The following MTUS2 variants were observed in gnomAD, a reference collection of about 807,000 sequenced individuals.
The protein encoded by MTUS2 is microtubule-associated tumor suppressor candidate 2.
Under a neutral mutation model 114.1 loss-of-function variants are expected in MTUS2, and 40 were observed. The observed-to-expected ratio is 0.35, with a 90% confidence interval of 0.27 to 0.46. The LOEUF is 0.46. Ranked by LOEUF, MTUS2 falls within the 20% of genes least tolerant of loss-of-function variation. MTUS2 has a pLI of 1.00. For missense variants in MTUS2, 1,679 were observed against 1,705.4 expected (o/e 0.98, Z 0.27); for synonymous variants, 688 against 672.0 (o/e 1.02, Z -0.37).
intron 8 of MTUS2, among the ~76,000 whole-genome samples, chr13:29,362,787 AAT>A (rs1870376525): frequency 6.6e-6 from 1 of 152,236 alleles, no homozygotes; most frequent in Admixed American, 6.5e-5. Context: ...CATTAATTTA[AAT>A]ATGTGTTGGA....
At chr13:29,014,141 T>C (rs1351507879) in intron 2 of MTUS2, among the ~76,000 whole-genome samples, 1 of 152,172 alleles carries the variant, frequency 6.6e-6, no homozygotes, top group Non-Finnish European at 1.5e-5. Context: ...GGAGGCCTTG[T>C]TCCACACAGG....
At chr13:29,221,904 A>G (rs1274388853) in intron 5 of MTUS2, among the ~76,000 whole-genome samples, 2 of 152,140 alleles carry the variant, frequency 1.3e-5, no homozygotes, top group African/African-American at 2.4e-5. Context: ...CAACTGATCA[A>G]CTGATTTTTA....
intron 9 of MTUS2, among the ~76,000 whole-genome samples, chr13:29,460,457 C>T (rs1879402814): frequency 7.2e-6 from 1 of 138,590 alleles, no homozygotes; most frequent in South Asian, 2.3e-4. Context: ...TCAGCTCTCT[C>T]CTCCTGACAG....
intron 8 of MTUS2, among the ~76,000 whole-genome samples, chr13:29,431,396 C>T (rs781068315): frequency 3.3e-5 from 5 of 152,134 alleles, no homozygotes; most frequent in African/African-American, 9.7e-5. Flanking sequence ...AAGGCATGGC[C>T]GGCCCTTATG....
At chr13:28,952,605 TTA>T (rs747514077) in intron 2 of MTUS2, among the ~76,000 whole-genome samples, 6 of 152,222 alleles carry the variant, frequency 3.9e-5, no homozygotes, top group Non-Finnish European at 8.8e-5. Context: ...GCATATCTTT[TTA>T]TGTTTTCCTC....
intron 9 of MTUS2, chr13:29,476,779 G>A (rs1196210214): frequency 1.3e-5 from 2 of 152,272 alleles, no homozygotes; most frequent in African/African-American, 2.4e-5. Context: ...GGAGTCCATC[G>A]AGTGACAGTT....
intron 9 of MTUS2, among the ~76,000 whole-genome samples, chr13:29,454,108 A>G (rs1172345133): frequency 1.3e-5 from 2 of 152,266 alleles, no homozygotes; most frequent in African/African-American, 2.4e-5. Flanking sequence ...AAGGACGTCA[A>G]TCTGTTGAAC....
chr13:29,015,923 T>C lies in MTUS2; in HGVS notation c.-242-8534T>C, dbSNP rs891978446. Among the ~76,000 whole-genome samples the C allele has an allele frequency of 3.9e-5, 6 of 152,134 alleles. No homozygotes were observed. In the South Asian group the frequency reaches 1.2e-3, roughly 32 times the overall value. On this transcript the variant is annotated intron_variant, in intron 2 of 15. Coordinates refer to ENST00000612955, the MANE Select transcript of MTUS2 (RefSeq NM_001033602.4). Reference sequence around the variant, plus strand: ...AAGATTCGTTCTTCTTCTTTTTTTTTAGATGAAGTCTCGCTCTGTCTCCCA... The same window carrying C: ...AAGATTCGTTCTTCTTCTTTTTTTTCAGATGAAGTCTCGCTCTGTCTCCCA...
intron 7 of MTUS2, among the ~76,000 whole-genome samples, chr13:29,327,840 C>T (rs554599798): frequency 6.6e-6 from 1 of 152,214 alleles, no homozygotes; most frequent in Non-Finnish European, 1.5e-5. Context: ...TACCATTTTA[C>T]ATTTTCAACA....
intron 2 of MTUS2, among the ~76,000 whole-genome samples, chr13:28,915,071 G>A (rs1455133731): frequency 2.0e-5 from 3 of 151,750 alleles, no homozygotes; most frequent in Admixed American, 6.6e-5. Context: ...CTTTAAATGG[G>A]GCATTTAGTC....
chr13:29,137,959 G>T (rs527685446), intron 5 of MTUS2, among the ~76,000 whole-genome samples: 2 of 152,300 alleles, frequency 1.3e-5, no homozygotes, highest in Non-Finnish European at 2.9e-5. Context: ...TTTCAATCCT[G>T]TGGAAGTTAC....
chr13:29,175,535 G>A (rs1172392842), intron 5 of MTUS2, among the ~76,000 whole-genome samples: 1 of 152,184 alleles, frequency 6.6e-6, no homozygotes, highest in African/African-American at 2.4e-5. Context: ...GTAGATATCT[G>A]TCATTACTGC....
intron 6 of MTUS2, among the ~76,000 whole-genome samples, chr13:29,294,165 T>A (rs1898838523): frequency 1.3e-5 from 2 of 152,162 alleles, no homozygotes; most frequent in South Asian, 4.1e-4. Flanking sequence ...TCACAGTTTA[T>A]CATTAGACAC....
At chr13:29,179,765 A>G (rs1893921789) in intron 5 of MTUS2, among the ~76,000 whole-genome samples, 1 of 152,218 alleles carries the variant, frequency 6.6e-6, no homozygotes, top group Admixed American at 6.5e-5. Flanking sequence ...TATACTTTGT[A>G]CCAGCTCATA....
At chr13:29,153,436 C>T (rs960116126) in intron 5 of MTUS2, among the ~76,000 whole-genome samples, 2 of 152,204 alleles carry the variant, frequency 1.3e-5, no homozygotes, top group Admixed American at 6.5e-5. Flanking sequence ...CTGCCTGTTT[C>T]TCAGCATCCC....
intron 2 of MTUS2, among the ~76,000 whole-genome samples, chr13:28,857,699 A>G (rs1006629836): frequency 1.3e-4 from 20 of 152,230 alleles, no homozygotes; most frequent in Middle Eastern, 3.2e-3. Context: ...ATCACTATGT[A>G]AGAAAGTACT....
chr13:29,166,161 C>T (rs1480063868), intron 5 of MTUS2, among the ~76,000 whole-genome samples: 1 of 152,160 alleles, frequency 6.6e-6, no homozygotes, highest in South Asian at 2.1e-4. Flanking sequence ...GGACACAGGA[C>T]ATTAAGTTCC....
intron 4 of MTUS2, among the ~76,000 whole-genome samples, chr13:29,059,433 A>G (rs1281157170): frequency 1.3e-5 from 2 of 152,102 alleles, no homozygotes; most frequent in African/African-American, 4.8e-5. Context: ...GACAGGCCAT[A>G]TCCTTACCAA....
chr13:29,344,351 T>C (rs1406291733), intron 7 of MTUS2, among the ~76,000 whole-genome samples: 1 of 152,140 alleles, frequency 6.6e-6, no homozygotes, highest in Non-Finnish European at 1.5e-5. Context: ...TGTATATACA[T>C]TTAGGGTTGT....
Sources: allele counts gnomAD v4.1 joint callset (sites outside exome capture counted in the v4.1 genomes callset), GRCh38; gene constraint gnomAD v4.1.1; transcripts MANE v1.5; gene names NCBI Gene and HGNC (gene_info 2026-07-23, HGNC 2026-07-21).